TNFSF4: variants seen among roughly 807,000 people sequenced by gnomAD.
TNFSF4 encodes TNF superfamily member 4.
A neutral mutation model predicts 7.3 loss-of-function variants in TNFSF4; 4 were observed. That is an observed-to-expected ratio of 0.55 (90% CI 0.27 to 1.25). The LOEUF (loss-of-function observed/expected upper bound fraction) is 1.25, where lower values mean the gene tolerates loss of function less well. Among genes scored for constraint, TNFSF4 ranks in the 50% most tolerant of loss-of-function variants. The probability of loss-of-function intolerance (pLI) is 0.12; values close to 1 mark genes in which losing one functional copy is unlikely to be tolerated. For synonymous variants in TNFSF4, 76 were observed against 83.7 expected, an observed-to-expected ratio of 0.91 and a Z score of 0.50; for missense variants, 181 against 208.8, an observed-to-expected ratio of 0.87 and a Z score of 0.82.
the TNFSF4 span, among the ~76,000 whole-genome samples, chr1:173,432,700 G>A: frequency 2.6e-5 from 4 of 151,552 alleles, no homozygotes; most frequent in Admixed American, 6.6e-5. Context: ...ATTCTTGAGG[G>A]ATCTTTGAGG....
the TNFSF4 span, among the ~76,000 whole-genome samples, chr1:173,328,470 G>A: frequency 2.0e-5 from 3 of 150,760 alleles, no homozygotes; most frequent in Non-Finnish European, 3.0e-5. Flanking sequence ...AAACCTGCAC[G>A]TTGTGCACAT....
the TNFSF4 span, among the ~76,000 whole-genome samples, chr1:173,262,597 TC>T: frequency 0.014 from 1,812 of 132,076 alleles, 46 homozygotes; most frequent in African/African-American, 0.047. Flanking sequence ...CCCAAAAGAT[TC>T]TTTTTTTTTT....
chr1:173,391,221 A>G, the TNFSF4 span, among the ~76,000 whole-genome samples: 1 of 150,748 alleles, frequency 6.6e-6, no homozygotes, highest in African/African-American at 2.4e-5. Flanking sequence ...TCCTTCCCCT[A>G]TGCAGCACCC....
chr1:173,199,012 A>G (rs1335438799), intron 1 of TNFSF4, among the ~76,000 whole-genome samples: 1 of 152,236 alleles, frequency 6.6e-6, no homozygotes, highest in Admixed American at 6.5e-5. Context: ...TGCCCACTTT[A>G]TAATCCCAAT....
intron 2 of TNFSF4, among the ~76,000 whole-genome samples, chr1:173,187,895 A>G (rs1185325830): frequency 6.6e-6 from 1 of 152,226 alleles, no homozygotes; most frequent in Non-Finnish European, 1.5e-5. Flanking sequence ...GCTAGCCACA[A>G]TTCAGTAATT....
At chr1:173,215,138 C>T in the TNFSF4 span, among the ~76,000 whole-genome samples, 30 of 152,208 alleles carry the variant, frequency 2.0e-4, no homozygotes, top group Admixed American at 3.3e-4. Context: ...CACCAGAGAC[C>T]TTGAGCCATC....
the TNFSF4 span, among the ~76,000 whole-genome samples, chr1:173,358,718 T>C: frequency 6.6e-6 from 1 of 152,238 alleles, no homozygotes; most frequent in African/African-American, 2.4e-5. Flanking sequence ...TGGAATATCA[T>C]ACAATGAGAC....
chr1:173,272,001 T>C, the TNFSF4 span, among the ~76,000 whole-genome samples: 5 of 152,180 alleles, frequency 3.3e-5, no homozygotes, highest in East Asian at 3.9e-4. Flanking sequence ...ATACACACCA[T>C]GGAATACCAT....
At chr1:173,236,101 A>G in the TNFSF4 span, among the ~76,000 whole-genome samples, 1 of 152,156 alleles carries the variant, frequency 6.6e-6, no homozygotes, top group African/African-American at 2.4e-5. Context: ...TTAAATTCAG[A>G]TCACAAACTA....
chr1:173,369,261 T>G, the TNFSF4 span, among the ~76,000 whole-genome samples: 1 of 152,174 alleles, frequency 6.6e-6, no homozygotes, highest in Admixed American at 6.5e-5. Context: ...AGGACAAGTG[T>G]AAGGTCCCAA....
At chr1:173,230,488 A>G in the TNFSF4 span, among the ~76,000 whole-genome samples, 5 of 152,232 alleles carry the variant, frequency 3.3e-5, no homozygotes, top group African/African-American at 9.6e-5. Context: ...GAAAGATCTA[A>G]AATTGACACC....
the TNFSF4 span, among the ~76,000 whole-genome samples, chr1:173,449,576 G>A: frequency 1.3e-5 from 2 of 151,838 alleles, no homozygotes; most frequent in Non-Finnish European, 2.9e-5. Context: ...CTAGTCTCAA[G>A]CATCTGCCTA....
the TNFSF4 span, among the ~76,000 whole-genome samples, chr1:173,224,852 G>T: frequency 6.6e-6 from 1 of 152,094 alleles, no homozygotes; most frequent in Non-Finnish European, 1.5e-5. Context: ...CCAAACCTTA[G>T]CTCCAGTCAA....
At chr1:173,340,929 G>A in the TNFSF4 span, among the ~76,000 whole-genome samples, 1 of 152,224 alleles carries the variant, frequency 6.6e-6, no homozygotes, top group Middle Eastern at 3.4e-3. Flanking sequence ...ATAAGTCATG[G>A]GAGGAACTCG....
At chr1:173,353,641 C>T in the TNFSF4 span, among the ~76,000 whole-genome samples, 9 of 152,106 alleles carry the variant, frequency 5.9e-5, no homozygotes, top group East Asian at 1.9e-4. Context: ...TACAGAATTT[C>T]GTAAGAGCCA....
the TNFSF4 span, among the ~76,000 whole-genome samples, chr1:173,333,127 AG>A: frequency 1.3e-5 from 2 of 152,220 alleles, no homozygotes; most frequent in Non-Finnish European, 2.9e-5. Flanking sequence ...CAACAAAGGA[AG>A]GGTGGCTAGG....
chr1:173,196,508 C>T (rs1557882692), intron 1 of TNFSF4, among the ~76,000 whole-genome samples: 1 of 152,282 alleles, frequency 6.6e-6, no homozygotes, highest in East Asian at 1.9e-4. Flanking sequence ...CTCTCTCTAA[C>T]CACTTCCACT....
At chr1:173,277,483 AGAG>A in the TNFSF4 span, among the ~76,000 whole-genome samples, 176 of 152,232 alleles carry the variant, frequency 1.2e-3, no homozygotes, top group African/African-American at 3.8e-3. Context: ...CAAAAATATG[AGAG>A]GAGAAGAGTG....
chr1:173,240,683 T>G, the TNFSF4 span, among the ~76,000 whole-genome samples: 1 of 152,144 alleles, frequency 6.6e-6, no homozygotes, highest in Non-Finnish European at 1.5e-5. Flanking sequence ...ATGACTTCAC[T>G]GGGATATATT....
Sources: gnomAD v4.1 joint callset for allele counts (sites outside exome capture counted in the v4.1 genomes callset) on GRCh38, gnomAD v4.1.1 for gene constraint, MANE v1.5 for transcripts, NCBI Gene and HGNC (gene_info 2026-07-23, HGNC 2026-07-21) for gene names.